The following ANO1 variants were observed in gnomAD, a reference collection of about 807,000 sequenced individuals.
ANO1 encodes the protein anoctamin 1.
A neutral mutation model predicts 124.0 loss-of-function variants in ANO1; 59 were observed. The observed-to-expected ratio is 0.48, with a 90% CI of 0.39 to 0.59. The LOEUF (loss-of-function observed/expected upper bound fraction) is 0.59. Ranked by LOEUF, ANO1 falls within the 20% of genes least tolerant of loss-of-function variation. The pLI, the probability that ANO1 is intolerant of heterozygous loss-of-function variation, is 0.00. For synonymous variants in ANO1, 529 were observed against 532.0 expected (o/e 0.99, Z 0.08); for missense variants, 1,059 against 1,328.0 (o/e 0.80, Z 3.15).
chr11:70,174,818 G>A (rs1250381045), intron 22 of ANO1, among the ~76,000 whole-genome samples: 1 of 152,102 alleles, frequency 6.6e-6, no homozygotes, highest in Admixed American at 6.6e-5. Flanking sequence ...TGCTCACCAG[G>A]TTCTCCCTGC....
chr11:70,135,366 C>T (rs992091509), intron 11 of ANO1, among the ~76,000 whole-genome samples: 3 of 152,206 alleles, frequency 2.0e-5, no homozygotes, highest in Admixed American at 6.5e-5. Flanking sequence ...GAGACGCTGG[C>T]GGGCTTGGCC....
chr11:70,085,212 C>T (rs952320937), intron 1 of ANO1, among the ~76,000 whole-genome samples: 3 of 152,168 alleles, frequency 2.0e-5, no homozygotes, highest in African/African-American at 4.8e-5. Flanking sequence ...GCAGGCCCCC[C>T]GTGCTGGCTA....
At chr11:70,077,085 T>G (rs370645768), upstream of ANO1, among the ~76,000 whole-genome samples, 8 of 152,322 alleles carry the variant, frequency 5.3e-5, no homozygotes, top group East Asian at 1.4e-3. Context: ...GGTTCCATGC[T>G]TGGAACCATG....
chr11:70,044,450 C>CA (rs1266643108), intron 1 of ANO1, among the ~76,000 whole-genome samples: 2 of 152,096 alleles, frequency 1.3e-5, no homozygotes, highest in Non-Finnish European at 2.9e-5. Flanking sequence ...AAGGTGCTAC[C>CA]ATGGGCCAGG....
chr11:70,008,047 T>C (rs1330491175), intron 1 of ANO1, among the ~76,000 whole-genome samples: 7 of 152,190 alleles, frequency 4.6e-5, no homozygotes, highest in African/African-American at 1.7e-4. Context: ...TTCTTGACCA[T>C]TTGTGTTTTC....
intron 2 of ANO1, among the ~76,000 whole-genome samples, chr11:70,093,033 GTCC>G (rs1292776576): frequency 1.4e-5 from 2 of 147,142 alleles, no homozygotes; most frequent in Non-Finnish European, 3.0e-5. Context: ...CTTTCTCTCT[GTCC>G]TCCTCCTCAC....
chr11:70,139,461 T>C (rs953696054), intron 11 of ANO1, among the ~76,000 whole-genome samples: 1 of 152,192 alleles, frequency 6.6e-6, no homozygotes, highest in Non-Finnish European at 1.5e-5. Flanking sequence ...GTAGCTGGGA[T>C]TATAGCCGCC....
At chr11:70,156,848 C>G in intron 15 of ANO1, 99 bp from the exon 16 acceptor site, 1 of 1,044,972 alleles carries the variant, frequency 9.6e-7, no homozygotes, top group Non-Finnish European at 1.4e-6. Context: ...TCAAGTTGTC[C>G]CTGGGCCCAT....
At chr11:69,990,968 T>A (rs1306785743) in intron 1 of ANO1, among the ~76,000 whole-genome samples, 5 of 152,238 alleles carry the variant, frequency 3.3e-5, no homozygotes, top group African/African-American at 4.8e-5. Flanking sequence ...TTAATTTTCA[T>A]GAAGCCCAAC....
chr11:70,093,057 C>T (rs7941652), intron 2 of ANO1, among the ~76,000 whole-genome samples: 100,097 of 149,960 alleles, frequency 0.67, 33,689 homozygotes, highest in Middle Eastern at 0.76. Context: ...CTCTTATTCA[C>T]CTCTACCTCT....
intron 11 of ANO1, among the ~76,000 whole-genome samples, chr11:70,140,622 G>A (rs976932361): frequency 6.6e-6 from 1 of 152,084 alleles, no homozygotes; most frequent in Non-Finnish European, 1.5e-5. Flanking sequence ...AGTAAGAGGA[G>A]GACCGTGCCT....
At chr11:69,985,061 G>T (rs1414490686), upstream of ANO1, among the ~76,000 whole-genome samples, 1 of 152,204 alleles carries the variant, frequency 6.6e-6, no homozygotes, top group African/African-American at 2.4e-5. Context: ...TGAGGATGCT[G>T]AATTGTCCAG....
upstream of ANO1, among the ~76,000 whole-genome samples, chr11:70,077,406 G>T (rs1264657608): frequency 6.6e-6 from 1 of 152,230 alleles, no homozygotes; most frequent in East Asian, 1.9e-4. Context: ...GAGGCAGAGG[G>T]ACACTTTATT....
intron 1 of ANO1, among the ~76,000 whole-genome samples, chr11:70,048,072 G>T (rs1382726956): frequency 6.6e-6 from 1 of 152,118 alleles, no homozygotes; most frequent in Non-Finnish European, 1.5e-5. Flanking sequence ...AAATATTTTG[G>T]TGAAAATAGA....
chr11:70,046,923 A>T (rs567633881), intron 1 of ANO1, among the ~76,000 whole-genome samples: 1 of 152,010 alleles, frequency 6.6e-6, no homozygotes, highest in African/African-American at 2.4e-5. Context: ...AAAATACAAA[A>T]AATAAGAATT....
chr11:70,025,524 A>C (rs1051911210), intron 1 of ANO1, among the ~76,000 whole-genome samples: 2 of 151,554 alleles, frequency 1.3e-5, no homozygotes, highest in Non-Finnish European at 2.9e-5. Context: ...GGTGATTGTG[A>C]TGATGACAGT....
intron 1 of ANO1, among the ~76,000 whole-genome samples, chr11:70,043,744 G>T (rs1247061066): frequency 6.6e-6 from 1 of 151,992 alleles, no homozygotes; most frequent in South Asian, 2.1e-4. Context: ...AAATAAAGGT[G>T]AAATAAAGAC....
At chr11:70,082,864 G>T (rs956313423) in intron 1 of ANO1, among the ~76,000 whole-genome samples, 7 of 152,194 alleles carry the variant, frequency 4.6e-5, no homozygotes, top group Admixed American at 3.3e-4. Flanking sequence ...GCTCAGGATT[G>T]CTCTCCAGAC....
At chr11:70,025,069 T>G (rs1395091842) in intron 1 of ANO1, among the ~76,000 whole-genome samples, 4 of 152,156 alleles carry the variant, frequency 2.6e-5, no homozygotes, top group African/African-American at 9.7e-5. Context: ...AATAAAAGCC[T>G]TCCATGGCTG....
Sources: allele counts gnomAD v4.1 joint callset (sites outside exome capture counted in the v4.1 genomes callset), GRCh38; gene constraint gnomAD v4.1.1; transcripts MANE v1.5; gene names NCBI Gene and HGNC (gene_info 2026-07-23, HGNC 2026-07-21).